The following FREM1 variants were observed in gnomAD, a reference collection of about 807,000 sequenced individuals.
FREM1 encodes the protein FRAS1 related extracellular matrix 1.
Under a neutral mutation model 210.1 loss-of-function variants are expected in FREM1, and 220 were observed. The ratio of observed to expected loss-of-function variants is 1.05; its 90% confidence interval spans 0.94 to 1.17. The LOEUF is 1.17. FREM1 is among the 50% of genes most tolerant of loss of function. The probability of loss-of-function intolerance (pLI) is 0.00; values close to 1 mark genes in which losing one functional copy is unlikely to be tolerated. For missense variants in FREM1, 3,454 were observed against 2,675.5 expected, an observed-to-expected ratio of 1.29 and a Z score of -6.42; for synonymous variants, 1,189 against 980.2, an observed-to-expected ratio of 1.21 and a Z score of -3.98.
At chr9:14,861,076 T>TAA (rs1456331233) in intron 3 of FREM1, among the ~76,000 whole-genome samples, 19 of 71,362 alleles carry the variant, frequency 2.7e-4, no homozygotes, top group Middle Eastern at 9.8e-3. Flanking sequence ...TATACATATA[T>TAA]ACATATATAC....
chr9:14,760,985 T>C (rs1022401970), intron 27 of FREM1, among the ~76,000 whole-genome samples: 4 of 152,224 alleles, frequency 2.6e-5, no homozygotes, highest in East Asian at 1.9e-4. Flanking sequence ...ACAAAATCCT[T>C]AGTGGTTGCC....
Position 14,753,341 on chromosome 9 carries a change from A to G in FREM1, c.5407+3033T>C, listed in dbSNP as rs185273877. ...CCACATTAGAGATCTGTTCCCTTGG[A>G]AAACATTTTGACTCTAAGGAATGAT... On this transcript the variant is annotated intron_variant, in intron 29 of 36. Transcript: ENST00000380880. Among the ~76,000 whole-genome samples, 120 of 152,360 alleles carry G rather than the reference A, an allele frequency of 7.9e-4. No homozygotes were observed. The East Asian group carries it at 0.015, about 20-fold the overall frequency.
intron 1 of FREM1, among the ~76,000 whole-genome samples, chr9:14,894,875 T>C (rs530406709): frequency 1.3e-5 from 2 of 152,306 alleles, no homozygotes; most frequent in East Asian, 1.9e-4. Context: ...GTTGGAGAAA[T>C]TGGTTATTTT....
intron 22 of FREM1, 49 bp from the exon 23 acceptor site, chr9:14,789,163 C>G: frequency 7.6e-7 from 1 of 1,320,258 alleles, no homozygotes; most frequent in East Asian, 2.6e-5. Flanking sequence ...TTCTTTTCCC[C>G]CAACGTACGT....
intron 24 of FREM1, chr9:14,779,299 C>G (rs1308810207): frequency 5.9e-6 from 1 of 170,572 alleles, no homozygotes. Flanking sequence ...CCATTGGTAC[C>G]TTAGCGCAAA....
At chr9:14,875,039 T>C (rs1367059639) in intron 1 of FREM1, among the ~76,000 whole-genome samples, 2 of 152,238 alleles carry the variant, frequency 1.3e-5, no homozygotes, top group African/African-American at 2.4e-5. Context: ...AGAGATCCGC[T>C]GTTAGTCTGA....
chr9:14,827,962 T>G (rs900500389), intron 10 of FREM1, among the ~76,000 whole-genome samples: 1 of 152,242 alleles, frequency 6.6e-6, no homozygotes, highest in Non-Finnish European at 1.5e-5. Context: ...GTGCAAGAGC[T>G]GTGAAAACAC....
intron 1 of FREM1, among the ~76,000 whole-genome samples, chr9:14,894,465 G>A (rs1324797850): frequency 6.6e-6 from 1 of 152,136 alleles, no homozygotes; most frequent in Non-Finnish European, 1.5e-5. Context: ...TTAAATGCAG[G>A]TTTCTAATAA....
chr9:14,743,883 A>G (rs1348635490), intron 35 of FREM1, among the ~76,000 whole-genome samples: 1 of 152,122 alleles, frequency 6.6e-6, no homozygotes, highest in Non-Finnish European at 1.5e-5. Context: ...TCAAGGAGAA[A>G]AAAAGACCAA....
chr9:14,825,090 A>T (rs1564014842), intron 10 of FREM1, 98 bp from the exon 11 acceptor site: 5 of 797,634 alleles, frequency 6.3e-6, no homozygotes, highest in Non-Finnish European at 9.8e-6. Context: ...TAATTTCTAA[A>T]ACTGTCATTT....
At chr9:14,814,623 C>T (rs1454835390) in intron 15 of FREM1, among the ~76,000 whole-genome samples, 1 of 152,098 alleles carries the variant, frequency 6.6e-6, no homozygotes, top group Non-Finnish European at 1.5e-5. Flanking sequence ...GTTCAAGTCC[C>T]CTGAGTGAAT....
intron 5 of FREM1, among the ~76,000 whole-genome samples, chr9:14,857,037 G>A (rs553652635): frequency 6.6e-6 from 1 of 152,070 alleles, no homozygotes; most frequent in Admixed American, 6.6e-5. Flanking sequence ...ATTGGAAGAC[G>A]CAGGAGGTCT....
At chr9:14,799,048 G>T (rs1197383633) in intron 20 of FREM1, among the ~76,000 whole-genome samples, 1 of 151,900 alleles carries the variant, frequency 6.6e-6, no homozygotes, top group African/African-American at 2.4e-5. Context: ...GAAGGCGAGT[G>T]CAGGAAAATC....
intron 16 of FREM1, among the ~76,000 whole-genome samples, chr9:14,812,078 C>T (rs532295757): frequency 1.3e-5 from 2 of 152,254 alleles, no homozygotes; most frequent in East Asian, 3.9e-4. Context: ...GTCACACTGT[C>T]ATCTTTGCAT....
intron 36 of FREM1, among the ~76,000 whole-genome samples, chr9:14,739,927 A>T (rs1841219492): frequency 6.6e-6 from 1 of 152,156 alleles, no homozygotes; most frequent in South Asian, 2.1e-4. Flanking sequence ...ATCTGACCAC[A>T]TTCCTATTTA....
At position 14,842,476 on chromosome 9, in the gene FREM1, G is replaced by A. The variant is rs775442549; in HGVS notation, c.1578C>T (p.Thr526=). 6.2e-7 allele frequency: 1 copy of A among 1,613,906 alleles called. No homozygotes were observed. Among genetic ancestry groups the A allele is most frequent in the African/African-American group, 1.3e-5 (1 of 74,944 alleles). ...PKDDSPPFLI[T]NVVIELEEGQ... Reference sequence around the variant, plus strand: ...CCTCCTCCAGTTCAATCACAACATTGGTTATGAGGAACGGGGGACTATCAT... The same window carrying A: ...CCTCCTCCAGTTCAATCACAACATTAGTTATGAGGAACGGGGGACTATCAT... The change falls in exon 9 of 37, where the codon ACC becomes ACT. Residue 526 remains threonine, a synonymous_variant. Coordinates refer to ENST00000380880, the MANE Select transcript of FREM1 (RefSeq NM_001379081.2).
At chr9:14,866,585 C>T (rs1831563096) in intron 2 of FREM1, among the ~76,000 whole-genome samples, 1 of 152,176 alleles carries the variant, frequency 6.6e-6, no homozygotes, top group Admixed American at 6.6e-5. Flanking sequence ...GAGGTCCAAA[C>T]TGGAAGACAG....
At chr9:14,818,981 G>A (rs1234417550) in intron 14 of FREM1, among the ~76,000 whole-genome samples, 1 of 152,124 alleles carries the variant, frequency 6.6e-6, no homozygotes, top group Non-Finnish European at 1.5e-5. Context: ...AATATTCACG[G>A]CAATTAAATT....
chr9:14,823,681 T>C lies in FREM1; in HGVS notation c.2169+344A>G, dbSNP rs905457547. ...CCACCCAGTTCATGGTATATTGTTG[T>C]CAGCCCTTGGAAACTAATACAGTAA... On this transcript the variant is annotated intron_variant, in intron 12 of 36. Transcript: ENST00000380880. Among the ~76,000 whole-genome samples the C allele has an allele frequency of 4.6e-5, 7 of 152,168 alleles. No individual in the cohort carries two copies. The East Asian group carries it at 1.3e-3, about 29-fold the overall frequency.
Sources: allele counts gnomAD v4.1 joint callset (sites outside exome capture counted in the v4.1 genomes callset), GRCh38; gene constraint gnomAD v4.1.1; transcripts MANE v1.5; gene names NCBI Gene and HGNC (gene_info 2026-07-23, HGNC 2026-07-21).